TMEM150C: variants seen among roughly 807,000 people sequenced by gnomAD.
TMEM150C encodes transmembrane protein 150C.
Under a neutral mutation model 29.9 loss-of-function variants are expected in TMEM150C, and 10 were observed. The ratio of observed to expected loss-of-function variants is 0.33; its 90% CI spans 0.21 to 0.57. The LOEUF (loss-of-function observed/expected upper bound fraction) is 0.57. Ranked by LOEUF, TMEM150C falls within the 20% of genes least tolerant of loss-of-function variation. The probability of loss-of-function intolerance (pLI) is 0.88; values close to 1 mark genes in which losing one functional copy is unlikely to be tolerated. For missense variants in TMEM150C, 251 were observed against 303.6 expected (o/e 0.83, Z 1.29); for synonymous variants, 101 against 112.5 (o/e 0.90, Z 0.64).
chr4:82,523,813 G>A (rs1724565907), intron 1 of TMEM150C, among the ~76,000 whole-genome samples: 1 of 151,738 alleles, frequency 6.6e-6, no homozygotes, highest in Admixed American at 6.6e-5. Flanking sequence ...GAGTAGTTGG[G>A]ATTATAGGCG....
chr4:82,502,779 A>T lies in TMEM150C; in HGVS notation c.183T>A (p.Asp61Glu). ...HAPYISIAGD[D>E]PPASCVFSQV... ...GACTAAACACACAGCTTGCAGGAGG[A>T]TCATCACCTGCAATGCTTGAAAAAG... The change falls in exon 5 of 8, where the codon GAT (aspartate) becomes GAA (glutamate). Residue 61 changes from aspartate (D) to glutamate (E), a missense_variant. Coordinates refer to ENST00000449862, the MANE Select transcript of TMEM150C (RefSeq NM_001080506.3). The T allele has an allele frequency of 6.2e-7, 1 of 1,607,406 alleles. No homozygotes were observed. The highest frequency in any genetic ancestry group is 8.5e-7 in the Non-Finnish European group (1 of 1,176,600).
At chr4:82,503,566 T>A (rs567117115) in intron 2 of TMEM150C, among the ~76,000 whole-genome samples, 3 of 152,230 alleles carry the variant, frequency 2.0e-5, no homozygotes, top group African/African-American at 7.2e-5. Context: ...TATAAACATA[T>A]CAGGCCGGGC....
chr4:82,506,312 G>A (rs990256583), intron 1 of TMEM150C, among the ~76,000 whole-genome samples: 3 of 152,196 alleles, frequency 2.0e-5, no homozygotes, highest in African/African-American at 7.2e-5. Flanking sequence ...TGGTCTACCT[G>A]ATTACGTAGA....
intron 1 of TMEM150C, among the ~76,000 whole-genome samples, chr4:82,545,268 TA>T (rs1389720184): frequency 1.3e-5 from 2 of 152,284 alleles, no homozygotes; most frequent in Admixed American, 1.3e-4. Context: ...ATGTGATTCA[TA>T]ACATAAACAG....
intron 1 of TMEM150C, among the ~76,000 whole-genome samples, chr4:82,559,052 ATG>A (rs1725832363): frequency 6.6e-6 from 1 of 152,280 alleles, no homozygotes; most frequent in African/African-American, 2.4e-5. Context: ...ACCCTTGAGA[ATG>A]TACTTTGTGA....
intron 1 of TMEM150C, among the ~76,000 whole-genome samples, chr4:82,519,408 CTTTTTCTT>C (rs1168341432): frequency 6.6e-6 from 1 of 151,102 alleles, no homozygotes; most frequent in Non-Finnish European, 1.5e-5. Flanking sequence ...CTTTCTCTTT[CTTTTTCTT>C]TCTTTCTTTC....
At chr4:82,499,908 T>C (rs922382847) in intron 5 of TMEM150C, among the ~76,000 whole-genome samples, 3 of 152,152 alleles carry the variant, frequency 2.0e-5, no homozygotes, top group African/African-American at 7.2e-5. Flanking sequence ...GCATCAATGA[T>C]TCCTATTTAT....
At chr4:82,516,929 A>G (rs1724314781) in intron 1 of TMEM150C, among the ~76,000 whole-genome samples, 1 of 152,226 alleles carries the variant, frequency 6.6e-6, no homozygotes, top group Non-Finnish European at 1.5e-5. Context: ...ATCATCCTGC[A>G]TCCTTCCTAT....
chr4:82,544,164 T>C (rs928611366), intron 1 of TMEM150C, among the ~76,000 whole-genome samples: 1 of 152,186 alleles, frequency 6.6e-6, no homozygotes, highest in South Asian at 2.1e-4. Flanking sequence ...TAGGGTGCCA[T>C]GTCGGTAGCA....
At chr4:82,496,491 G>GT (rs1303147894) in intron 5 of TMEM150C, among the ~76,000 whole-genome samples, 2 of 152,212 alleles carry the variant, frequency 1.3e-5, no homozygotes, top group Admixed American at 1.3e-4. Flanking sequence ...CAACAGGGCT[G>GT]TATGTTACTT....
chr4:82,545,977 C>A (rs1209584659), intron 1 of TMEM150C, among the ~76,000 whole-genome samples: 1 of 151,340 alleles, frequency 6.6e-6, no homozygotes, highest in Non-Finnish European at 1.5e-5. Flanking sequence ...ATCCCATTTA[C>A]AATAGCTGCA....
chr4:82,531,493 A>T (rs1724843991), intron 1 of TMEM150C, among the ~76,000 whole-genome samples: 1 of 152,170 alleles, frequency 6.6e-6, no homozygotes, highest in African/African-American at 2.4e-5. Flanking sequence ...ATGGTGGCTC[A>T]CACCTGTAAT....
intron 5 of TMEM150C, among the ~76,000 whole-genome samples, chr4:82,501,300 C>G (rs561136328): frequency 2.6e-5 from 4 of 152,170 alleles, no homozygotes; most frequent in Non-Finnish European, 4.4e-5. Flanking sequence ...ACAGGTGCAC[C>G]AGATACTGCA....
intron 5 of TMEM150C, among the ~76,000 whole-genome samples, chr4:82,498,155 C>G (rs1000560662): frequency 2.6e-5 from 4 of 151,950 alleles, no homozygotes; most frequent in Admixed American, 6.6e-5. Flanking sequence ...GCTGGGACTA[C>G]AGGCCCATGC....
intron 1 of TMEM150C, among the ~76,000 whole-genome samples, chr4:82,507,721 CTCTCTCTTTTTTTTTTTTT>C (rs1723973963): frequency 1.7e-5 from 1 of 59,982 alleles, no homozygotes; most frequent in African/African-American, 1.0e-4. Flanking sequence ...CTCTCTCTCT[CTCTCTCTTTTTTTTTTTTT>C]TTTTTTTTTT....
chr4:82,499,263 C>T (rs949121983), intron 5 of TMEM150C, among the ~76,000 whole-genome samples: 4 of 152,130 alleles, frequency 2.6e-5, no homozygotes, highest in African/African-American at 7.2e-5. Flanking sequence ...ACCACATTCA[C>T]GTTCTGATCA....
At chr4:82,555,249 G>A (rs1287925670) in intron 1 of TMEM150C, among the ~76,000 whole-genome samples, 1 of 152,172 alleles carries the variant, frequency 6.6e-6, no homozygotes, top group Non-Finnish European at 1.5e-5. Flanking sequence ...TTGTGGGCAG[G>A]AGGTGATTTT....
At chr4:82,535,787 G>A (rs930604060) in intron 1 of TMEM150C, among the ~76,000 whole-genome samples, 5 of 152,164 alleles carry the variant, frequency 3.3e-5, no homozygotes, top group African/African-American at 9.7e-5. Flanking sequence ...GGTTGCTAGT[G>A]TAAGTTAATT....
At chr4:82,518,605 T>TG (rs1392125652) in intron 1 of TMEM150C, among the ~76,000 whole-genome samples, 1 of 152,118 alleles carries the variant, frequency 6.6e-6, no homozygotes, top group African/African-American at 2.4e-5. Context: ...GGGCGGAGTT[T>TG]GGGGGGATCA....
Sources: gnomAD v4.1 joint callset for allele counts (sites outside exome capture counted in the v4.1 genomes callset) on GRCh38, gnomAD v4.1.1 for gene constraint, MANE v1.5 for transcripts, NCBI Gene and HGNC (gene_info 2026-07-23, HGNC 2026-07-21) for gene names.